MOV10L1: variants seen among roughly 807,000 people sequenced by gnomAD.
The protein encoded by MOV10L1 is RNA helicase Mov10l1.
In MOV10L1, 110 loss-of-function variants were observed where a neutral mutation model predicts 143.8. That is an observed-to-expected ratio of 0.76 (90% CI 0.66 to 0.90). The LOEUF (loss-of-function observed/expected upper bound fraction) is 0.90, where lower values mean the gene tolerates loss of function less well. Among genes scored for constraint, MOV10L1 ranks in the 40% least tolerant of loss-of-function variants. MOV10L1 has a pLI of 0.00. For missense variants in MOV10L1, 1,406 were observed against 1,526.8 expected (o/e 0.92, Z 1.32); for synonymous variants, 593 against 581.1 (o/e 1.02, Z -0.29).
intron 9 of MOV10L1, among the ~76,000 whole-genome samples, chr22:50,119,400 C>A (rs1429112006): frequency 6.6e-6 from 1 of 152,052 alleles, no homozygotes; most frequent in Non-Finnish European, 1.5e-5. Context: ...CCTGCTAGGA[C>A]CCCCAGTGCC....
At position 50,158,369 on chromosome 22, in the gene MOV10L1, A is replaced by G. The variant is rs184530390; in HGVS notation, c.3216+163A>G. 8.2e-4 allele frequency: 673 copies of G among 823,368 alleles called. 2 individuals are homozygous for G. In the African/African-American group the frequency reaches 0.011, roughly 13 times the overall value. 51.0% of individuals were successfully genotyped at this position (823,368 alleles called of 1,614,324 possible). A position where few individuals can be genotyped will look rare whatever the true frequency, so the allele number is the denominator to read the frequency against. On this transcript the variant is annotated intron_variant, in intron 23 of 26. Coordinates refer to ENST00000262794, the MANE Select transcript of MOV10L1 (RefSeq NM_018995.3). This position sits in a 1 kb window ranked among gnomAD's most constrained non-coding sequence, Gnocchi z 5.0. ...GTCGTTCAACATGAGAGGTCACCCA[A>G]CTGCCATCCATGGGCCAGTTCCGGG...
intron 5 of MOV10L1, among the ~76,000 whole-genome samples, chr22:50,112,666 G>A (rs539094941): frequency 1.6e-4 from 24 of 152,302 alleles, no homozygotes; most frequent in Admixed American, 1.2e-3. Flanking sequence ...TCCTCAGCTC[G>A]TGGCCCCGGG....
Position 50,127,541 on chromosome 22 carries a change from C to T in MOV10L1, c.1819-875C>T, listed in dbSNP as rs183676953. ...CCCGGAGCTGGAAGCCATCCCAGGG[C>T]GTAGCTTCCCGACTCTCTGCTGGTG... is the stretch of plus-strand genomic sequence containing the variant. On this transcript the variant is annotated intron_variant, in intron 12 of 26. Transcript: ENST00000262794. Among the ~76,000 whole-genome samples the T allele has an allele frequency of 3.0e-3, 455 of 152,292 alleles. 3 individuals are homozygous for T. The highest frequency in any genetic ancestry group is 5.2e-3 in the Admixed American group (80 of 15,306).
intron 2 of MOV10L1, chr22:50,093,696 A>G: frequency 6.6e-6 from 1 of 152,150 alleles, no homozygotes; most frequent in South Asian, 2.1e-4. Flanking sequence ...TTTTTTGTAG[A>G]AATGGCGTCT....
rs373255693 is a variant in MOV10L1 at position 50,126,787 on chromosome 22, A to T, written c.1818+515A>T. On this transcript the variant is annotated intron_variant, in intron 12 of 26. Coordinates refer to ENST00000262794, the MANE Select transcript of MOV10L1 (RefSeq NM_018995.3). Reference sequence around the variant, plus strand: ...GTGCTCTATCTGTGCATCAGAGAAGATGAAGCCACACATTACTTAATGTAG... The same window carrying T: ...GTGCTCTATCTGTGCATCAGAGAAGTTGAAGCCACACATTACTTAATGTAG... Among the ~76,000 whole-genome samples, 227 of 152,312 alleles carry T rather than the reference A, an allele frequency of 1.5e-3. 4 individuals carry two copies. In the South Asian group the frequency reaches 0.045, roughly 30 times the overall value.
In MOV10L1 at chr22:50,104,891, CTT is replaced by C. The variant is rs138212; in HGVS notation, c.443-3229_443-3228del. Among the ~76,000 whole-genome samples, 186 of 140,074 alleles carry C rather than the reference CTT, an allele frequency of 1.3e-3. 1 individual carries two copies. The highest frequency in any genetic ancestry group is 1.8e-3 in the Admixed American group (26 of 14,204). 91.9% of individuals were successfully genotyped at this position (140,074 alleles called of 152,430 possible). A position where few individuals can be genotyped will look rare whatever the true frequency, so the allele number is the denominator to read the frequency against. On this transcript the variant is annotated intron_variant, in intron 3 of 26. Coordinates refer to ENST00000262794, the MANE Select transcript of MOV10L1 (RefSeq NM_018995.3). ...TTGTAAACACCTTTGATTGAGCCTT[CTT>C]TTTTTTTTTTTTTTTAAAGACAGAG...
chr22:50,134,770 G>A lies in MOV10L1; in HGVS notation c.2070+140G>A, dbSNP rs1569311171. Reference sequence around the variant, plus strand: ...GATGTAACTGTCTACACAGGGGGTGGGCGTTTCCTTCTCGGAGTATTAGCG... The same window carrying A: ...GATGTAACTGTCTACACAGGGGGTGAGCGTTTCCTTCTCGGAGTATTAGCG... On this transcript the variant is annotated intron_variant, in intron 15 of 26. Coordinates refer to ENST00000262794, the MANE Select transcript of MOV10L1 (RefSeq NM_018995.3). The A allele has an allele frequency of 5.8e-6, 4 of 692,554 alleles. No homozygotes were observed. In the South Asian group the frequency reaches 6.1e-5, roughly 11 times the overall value. The allele number at this position is 692,554 out of a possible 1,614,324, so 42.9% of individuals were successfully genotyped here. A position where few individuals can be genotyped will look rare whatever the true frequency, so the allele number is the denominator to read the frequency against.
At position 50,099,459 on chromosome 22, in the gene MOV10L1, A is replaced by G. The variant is rs150821412; in HGVS notation, c.299A>G (p.Asp100Gly). The change falls in exon 3 of 27, where the codon GAT becomes GGT. Residue 100 changes from aspartate (D) to glycine (G), a missense_variant. Physicochemically the swap from Asp to Gly is moderately conservative, Grantham distance 94. Transcript: ENST00000262794. Reference protein sequence around the residue: ...LKAIRVEAVSDKWEDDSRNHG... With the variant: ...LKAIRVEAVSGKWEDDSRNHG... ...GTTTTACAGGTAGAAGCTGTCTCTG[A>G]TAAGTGGGAAGACGACAGCAGAAAC... is the stretch of plus-strand genomic sequence containing the variant. The G allele has an allele frequency of 7.9e-4, 1,276 of 1,614,058 alleles. 2 individuals are homozygous for G. Among genetic ancestry groups the G allele is most frequent in the Non-Finnish European group, 1.0e-3 (1,205 of 1,179,942 alleles).
chr22:50,150,681 G>C, intron 20 of MOV10L1, 54 bp from the exon 21 acceptor site: 1 of 1,591,706 alleles, frequency 6.3e-7, no homozygotes, highest in East Asian at 2.3e-5. Flanking sequence ...TGAGCCCGTA[G>C]GAGTGGCAGC....
At position 50,134,573 on chromosome 22, in the gene MOV10L1, G is replaced by A. The variant is rs563491813; in HGVS notation, c.2013G>A (p.Thr671=). 45 of 1,614,112 alleles carry A rather than the reference G, an allele frequency of 2.8e-5. 1 individual carries two copies. Among genetic ancestry groups the A allele is most frequent in the Middle Eastern group, 3.3e-4 (2 of 6,062 alleles). The stretch of plus-strand genomic sequence containing the variant: ...TTATTTTACAGTCTCCACAAGTGAC[G>A]GGAAATTGGAACCATGCACAAGACA... ...EEIILQSPQV[T]GNWNHAQDTK... The change falls in exon 15 of 27, where the codon ACG becomes ACA. Residue 671 remains threonine (T), a synonymous_variant. Coordinates refer to ENST00000262794, the MANE Select transcript of MOV10L1 (RefSeq NM_018995.3).
At chr22:50,129,664 A>G (rs979459469) in intron 13 of MOV10L1, among the ~76,000 whole-genome samples, 11 of 152,194 alleles carry the variant, frequency 7.2e-5, no homozygotes, top group African/African-American at 2.7e-4. Context: ...ATCCATGTGT[A>G]TAACAGCCTG....
At chr22:50,126,730 G>T (rs1364003862) in intron 12 of MOV10L1, among the ~76,000 whole-genome samples, 1 of 152,174 alleles carries the variant, frequency 6.6e-6, no homozygotes, top group Non-Finnish European at 1.5e-5. Flanking sequence ...CATAGCACTG[G>T]GAGTGATACT....
Position 50,158,591 on chromosome 22 carries a change from AT to A in MOV10L1, c.3216+387del. ...TCATTTCGTATGACTCTGTGATGTG[AT>A]TATAGGAGAGTTAGCGTCCCCAGGC... is the stretch of plus-strand genomic sequence containing the variant. On this transcript the variant is annotated intron_variant, in intron 23 of 26. Transcript: ENST00000262794. This position sits in a 1 kb window ranked among gnomAD's most constrained non-coding sequence, Gnocchi z 5.0. The A allele has an allele frequency of 5.6e-6, 1 of 178,490 alleles. No individual in the cohort carries two copies. The highest frequency in any genetic ancestry group is 1.2e-5 in the Non-Finnish European group (1 of 84,890). 11.1% of individuals were successfully genotyped at this position (178,490 alleles called of 1,614,324 possible).
rs1179449236 is a variant in MOV10L1 at position 50,160,896 on chromosome 22, G to C, written c.3463-68G>C. 7.4e-6 allele frequency: 12 copies of C among 1,612,894 alleles called. No homozygotes were observed. The East Asian group carries it at 2.5e-4, about 33-fold the overall frequency. On this transcript the variant is annotated intron_variant, in intron 25 of 26. Transcript: ENST00000262794. The stretch of plus-strand genomic sequence containing the variant: ...GGGTCCGGGTCACTCGGGGTGAGAC[G>C]TACGAGGCACCAGGAGACATGGGGC...
intron 12 of MOV10L1, among the ~76,000 whole-genome samples, chr22:50,127,996 C>G (rs1056323344): frequency 6.6e-6 from 1 of 152,108 alleles, no homozygotes; most frequent in Non-Finnish European, 1.5e-5. Flanking sequence ...GTCTCAAACT[C>G]CTGACCTCAA....
At chr22:50,109,529 G>A (rs1044651540) in intron 5 of MOV10L1, 4 of 153,048 alleles carry the variant, frequency 2.6e-5, no homozygotes, top group Non-Finnish European at 5.8e-5. Flanking sequence ...AAATTAGCCG[G>A]GCGTGGTGAC....
intron 2 of MOV10L1, chr22:50,096,352 A>G (rs893010787): frequency 3.9e-5 from 6 of 152,214 alleles, no homozygotes; most frequent in African/African-American, 1.4e-4. Flanking sequence ...TGAATATTCC[A>G]TTGTGTGAAT....
At chr22:50,157,973 C>A in intron 22 of MOV10L1, 84 bp from the exon 23 acceptor site, 1 of 1,500,802 alleles carries the variant, frequency 6.7e-7, no homozygotes, top group Non-Finnish European at 9.1e-7. Context: ...GTGTGTATTC[C>A]CAGCACCGAC....
rs1445681917 is a variant in MOV10L1, at chr22:50,108,160, G to C, written c.467G>C (p.Trp156Ser). The change falls in exon 4 of 27, where the codon TGG (tryptophan) becomes TCG (serine). Residue 156 changes from tryptophan (W) to serine (S), a missense_variant. Around this residue, in one of 3 missense-constraint regions of MOV10L1, gnomAD observed 1,233 missense variants for 1,351.4 expected, o/e 0.91. Coordinates refer to ENST00000262794, the MANE Select transcript of MOV10L1 (RefSeq NM_018995.3). ...CEGFEPCKGD[W>S]VEAEYRIRPG... ...GGCTTCGAGCCCTGCAAGGGAGACT[G>C]GGTGGAGGCTGAGTACCGGATCCGG... is the stretch of plus-strand genomic sequence containing the variant. The C allele has an allele frequency of 6.2e-7, 1 of 1,614,084 alleles. No homozygotes were observed. Among genetic ancestry groups the C allele is most frequent in the Non-Finnish European group, 8.5e-7 (1 of 1,180,008 alleles).
Sources: allele counts gnomAD v4.1 joint callset (sites outside exome capture counted in the v4.1 genomes callset), GRCh38; gene constraint gnomAD v4.1.1; regional missense constraint gnomAD v4.1.1; non-coding constraint Gnocchi (gnomAD v3.1); transcripts MANE v1.5; gene names NCBI Gene and HGNC (gene_info 2026-07-23, HGNC 2026-07-21).